The following ZNF594 variants were observed in gnomAD, a reference collection of about 807,000 sequenced individuals.
The protein encoded by ZNF594 is zinc finger protein 594.
For synonymous variants in ZNF594, 336 were observed against 309.4 expected (o/e 1.09, Z -0.90); for missense variants, 1,037 against 964.6 (o/e 1.08, Z -0.99).
Position 5,180,444 on chromosome 17 carries a change from GCT to G in ZNF594, c.*1387_*1388del, listed in dbSNP as rs774900440. On this transcript the variant is annotated 3_prime_UTR_variant, in exon 2 of 2. Coordinates refer to ENST00000575779, the MANE Select transcript of ZNF594 (RefSeq NM_032530.2). ...CGACTAGGAAGTCAAGATTGAAATG[GCT>G]CTTTCCATGAATAATTTAGTTTTGG... 72 of 154,298 alleles carry G rather than the reference GCT, an allele frequency of 4.7e-4. No homozygotes were observed. Among genetic ancestry groups the G allele is most frequent in the Non-Finnish European group, 6.8e-4 (47 of 69,516 alleles). The allele number at this position is 154,298 out of a possible 1,614,324, so 9.6% of individuals were successfully genotyped here. A position where few individuals can be genotyped will look rare whatever the true frequency, so the allele number is the denominator to read the frequency against.
rs774698497 is a variant in ZNF594 at position 5,183,713 on chromosome 17, G to T, written c.544C>A (p.Pro182Thr). Reference protein sequence around the residue: ...IHQRIHTGKKPYICHECGKDF... With the variant: ...IHQRIHTGKKTYICHECGKDF... Reference sequence around the variant, plus strand: ...TTTCCACATTCATGACATATATAAGGTTTCTTTCCTGTATGAATTCTCTGA... The same window carrying T: ...TTTCCACATTCATGACATATATAAGTTTTCTTTCCTGTATGAATTCTCTGA... Residue 182 changes from proline to threonine, a missense_variant, in exon 2 of 2, where the codon CCT becomes ACT. Physicochemically the swap from Pro to Thr is conservative, Grantham distance 38. Coordinates refer to ENST00000575779, the MANE Select transcript of ZNF594 (RefSeq NM_032530.2). 6.2e-6 allele frequency: 10 copies of T among 1,613,534 alleles called. No individual in the cohort carries two copies. The South Asian group carries it at 7.7e-5, about 12-fold the overall frequency.
In ZNF594 at chr17:5,183,157, T is replaced by C. The variant is rs1318097767; in HGVS notation, c.1100A>G (p.Gln367Arg). ...AGCTTTCTCTTCCTGGTGAATTCTC[T>C]GCTCTTCCCTAAGCTCCTCATCCTT... ...FSKDEELREE[Q>R]RIHQEEKAYW... The change falls in exon 2 of 2, where the codon CAG becomes CGG. Residue 367 changes from glutamine (Q) to arginine (R), a missense_variant. Transcript: ENST00000575779. The C allele has an allele frequency of 6.2e-7, 1 of 1,614,234 alleles. No individual in the cohort carries two copies. The highest frequency in any genetic ancestry group is 8.5e-7 in the Non-Finnish European group (1 of 1,180,040).
Position 5,181,705 on chromosome 17 carries a change from T to C in ZNF594, c.*128A>G. 1.3e-6 allele frequency: 2 copies of C among 1,581,842 alleles called. No individual in the cohort carries two copies. The highest frequency in any genetic ancestry group is 8.7e-7 in the Non-Finnish European group (1 of 1,150,884). ...AGGTGGGACCTCTGGCTAAAGACTT[T>C]CCCACATTCACTACATTCATGAGGT... On this transcript the variant is annotated 3_prime_UTR_variant, in exon 2 of 2. Transcript: ENST00000575779.
intron 1 of ZNF594, 116 bp from the exon 2 acceptor site, chr17:5,184,392 G>T: frequency 4.9e-6 from 5 of 1,018,922 alleles, no homozygotes; most frequent in Non-Finnish European, 7.0e-6. Flanking sequence ...CCCTGCCAAA[G>T]CTGAGATGTG....
intron 1 of ZNF594, among the ~76,000 whole-genome samples, chr17:5,190,372 A>G (rs2074414044): frequency 6.6e-6 from 1 of 152,212 alleles, no homozygotes; most frequent in South Asian, 2.1e-4. Flanking sequence ...GTCTTAAGAA[A>G]AAAAAGGAAG....
chr17:5,175,233 G>GT, downstream of ZNF594, among the ~76,000 whole-genome samples: 1 of 152,158 alleles, frequency 6.6e-6, no homozygotes. Context: ...GTGGCGAGCT[G>GT]TATTTATAGC....
In ZNF594 at chr17:5,181,822, CACT is replaced by C. The variant is rs1567824493; in HGVS notation, c.*8_*10del. The C allele has an allele frequency of 6.2e-7, 1 of 1,613,982 alleles. No homozygotes were observed. On this transcript the variant is annotated 3_prime_UTR_variant, in exon 2 of 2. Transcript: ENST00000575779. ...TTATTGCATACGTAAGGTTTTTCTC[CACT>C]GTGAATTCTATGATGTCTCAGAAGG...
In ZNF594 at chr17:5,183,449, A is replaced by G. The variant is rs2074363174; in HGVS notation, c.808T>C (p.Tyr270His). 6.2e-7 allele frequency: 1 copy of G among 1,613,706 alleles called. No individual in the cohort carries two copies. The highest frequency in any genetic ancestry group is 8.5e-7 in the Non-Finnish European group (1 of 1,179,956). The part of the protein sequence containing the change: ...IHTGEKPYEC[Y>H]DCGQMFSQSS... ...TGACTGAACATCTGTCCACAGTCAT[A>G]ACATTCATAGGGTTTCTCTCCAGTG... The change falls in exon 2 of 2, where the codon TAT becomes CAT. Residue 270 changes from tyrosine (Y) to histidine (H), a missense_variant. Transcript: ENST00000575779.
chr17:5,187,639 T>C (rs1434363969), intron 1 of ZNF594, among the ~76,000 whole-genome samples: 2 of 152,188 alleles, frequency 1.3e-5, no homozygotes, highest in Admixed American at 1.3e-4. Flanking sequence ...TGGGGAAACC[T>C]CAGGCAAATC....
At position 5,181,174 on chromosome 17, in the gene ZNF594, G is replaced by A. The variant is rs1555609701; in HGVS notation, c.*659C>T. 1.2e-6 allele frequency: 2 copies of A among 1,610,094 alleles called. No individual in the cohort carries two copies. Among genetic ancestry groups the A allele is most frequent in the Non-Finnish European group, 1.7e-6 (2 of 1,176,946 alleles). ...GGTTTCTCTCCAGTATGAACACGAT[G>A]GTGTCTAATAAGATCTGAGCTGCCC... On this transcript the variant is annotated 3_prime_UTR_variant, in exon 2 of 2. Transcript: ENST00000575779.
In ZNF594 at chr17:5,183,439, C is replaced by A; in HGVS notation, c.818G>T (p.Gly273Val). 1 of 1,613,894 alleles carries A rather than the reference C, an allele frequency of 6.2e-7. No homozygotes were observed. Among genetic ancestry groups the A allele is most frequent in the South Asian group, 1.1e-5 (1 of 91,078 alleles). Residue 273 changes from glycine to valine, a missense_variant, in exon 2 of 2, where the codon GGA becomes GTA. Transcript: ENST00000575779. ...GEKPYECYDC[G>V]QMFSQSSHLV... ...GTGTGAACTTTGACTGAACATCTGTCCACAGTCATAACATTCATAGGGTTT... is the reference window on the plus strand; with the variant it reads ...GTGTGAACTTTGACTGAACATCTGTACACAGTCATAACATTCATAGGGTTT...
At position 5,181,957 on chromosome 17, in the gene ZNF594, C is replaced by T. The variant is rs2074344989; in HGVS notation, c.2300G>A (p.Ser767Asn). 1.9e-6 allele frequency: 3 copies of T among 1,613,704 alleles called. No homozygotes were observed. In the South Asian group the frequency reaches 3.3e-5, roughly 18 times the overall value. The part of the protein sequence containing the change: ...EKKVYWCNQC[S>N]RTFQGSSDLI... ...ATCTGAGCTGCCCTGGAAGGTCCTACTACACTGATTACACCAATAAACTTT... is the reference window on the plus strand; with the variant it reads ...ATCTGAGCTGCCCTGGAAGGTCCTATTACACTGATTACACCAATAAACTTT... The change falls in exon 2 of 2, where the codon AGT becomes AAT. Residue 767 changes from serine to asparagine, a missense_variant. Ser to Asn is a conservative substitution (Grantham distance 46). Coordinates refer to ENST00000575779, the MANE Select transcript of ZNF594 (RefSeq NM_032530.2).
At position 5,183,286 on chromosome 17, in the gene ZNF594, T is replaced by A; in HGVS notation, c.971A>T (p.Glu324Val). 6.2e-7 allele frequency: 1 copy of A among 1,614,158 alleles called. No homozygotes were observed. The highest frequency in any genetic ancestry group is 8.5e-7 in the Non-Finnish European group (1 of 1,180,036). ...QRLHSGEKPYECHRCGKTFSG... is the reference protein window; with the variant it reads ...QRLHSGEKPYVCHRCGKTFSG... ...GAAGGTCTTCCCACATCTGTGACAT[T>A]CATAGGGTTTCTCTCCACTGTGGAG... The change falls in exon 2 of 2, where the codon GAA (glutamate) becomes GTA (valine). Residue 324 changes from glutamate to valine, a missense_variant. Physicochemically the swap from Glu to Val is moderately radical, Grantham distance 121. Transcript: ENST00000575779.
Position 5,181,112 on chromosome 17 carries a change from C to G in ZNF594, c.*721G>C, listed in dbSNP as rs751924742. On this transcript the variant is annotated 3_prime_UTR_variant, in exon 2 of 2. Transcript: ENST00000575779. The stretch of plus-strand genomic sequence containing the variant: ...TTTGATGACTGACAAGGTGTGAGTT[C>G]TGACTGAAGGCCTTCCAACATTCAG... 6.5e-7 allele frequency: 1 copy of G among 1,544,308 alleles called. No homozygotes were observed. Among genetic ancestry groups the G allele is most frequent in the Admixed American group, 1.7e-5 (1 of 59,914 alleles).
At chr17:5,175,813 TGAGAA>T (rs1350727994), downstream of ZNF594, among the ~76,000 whole-genome samples, 9 of 151,780 alleles carry the variant, frequency 5.9e-5, no homozygotes, top group African/African-American at 2.2e-4. Context: ...CTGGCAGTGT[TGAGAA>T]GAGATGAAGG....
chr17:5,180,111 A>G lies in ZNF594; in HGVS notation c.*1722T>C, dbSNP rs1440905816. On this transcript the variant is annotated 3_prime_UTR_variant, in exon 2 of 2. Transcript: ENST00000575779. ...GTTTCGCACTTGTTGCCCAGGCTGG[A>G]GTGCAGTGGCATGATCTTGGCTCAC... is the stretch of plus-strand genomic sequence containing the variant. The G allele has an allele frequency of 6.7e-6, 1 of 149,382 alleles. No homozygotes were observed. Among genetic ancestry groups the G allele is most frequent in the Non-Finnish European group, 1.5e-5 (1 of 67,814 alleles). 9.3% of individuals were successfully genotyped at this position (149,382 alleles called of 1,614,324 possible). A position where few individuals can be genotyped will look rare whatever the true frequency, so the allele number is the denominator to read the frequency against.
At chr17:5,187,673 T>A (rs949575321) in intron 1 of ZNF594, among the ~76,000 whole-genome samples, 2 of 152,212 alleles carry the variant, frequency 1.3e-5, no homozygotes, top group Admixed American at 6.5e-5. Context: ...GTGCCCTAGC[T>A]TCGTCATCTA....
chr17:5,188,530 A>T (rs995043939), intron 1 of ZNF594, among the ~76,000 whole-genome samples: 3 of 152,146 alleles, frequency 2.0e-5, no homozygotes, highest in Non-Finnish European at 4.4e-5. Context: ...TGCTTAAAAT[A>T]AAAAAATACA....
chr17:5,174,240 AT>A, the ZNF594 span: 1 of 189,974 alleles, frequency 5.3e-6, no homozygotes, highest in Non-Finnish European at 1.1e-5. Context: ...TTGAGGTAGA[AT>A]TTTTTTCATG....
Sources: allele counts gnomAD v4.1 joint callset (sites outside exome capture counted in the v4.1 genomes callset), GRCh38; gene constraint gnomAD v4.1.1; transcripts MANE v1.5; gene names NCBI Gene and HGNC (gene_info 2026-07-23, HGNC 2026-07-21).